TMEM114: variants seen among roughly 807,000 people sequenced by gnomAD.
TMEM114 encodes transmembrane protein 114, also known as claudin-26.
A neutral mutation model predicts 6.2 loss-of-function variants in TMEM114; 6 were observed. That is an observed-to-expected ratio of 0.97 (90% CI 0.53 to 1.91). The LOEUF is 1.91. TMEM114 is among the 40% of genes most tolerant of loss of function. TMEM114 has a pLI of 0.01. For missense variants in TMEM114, 218 were observed against 158.3 expected (o/e 1.38, Z -2.02); for synonymous variants, 104 against 73.0 (o/e 1.42, Z -2.16).
the TMEM114 span, among the ~76,000 whole-genome samples, chr16:8,531,139 T>C: frequency 0.02 from 3,084 of 152,282 alleles, 92 homozygotes; most frequent in African/African-American, 0.067. Flanking sequence ...ATTTTGAAAA[T>C]GTAGACAACA....
chr16:8,561,055 C>A (rs865861152), intron 2 of TMEM114, among the ~76,000 whole-genome samples: 1 of 152,160 alleles, frequency 6.6e-6, no homozygotes, highest in South Asian at 2.1e-4. Flanking sequence ...TTCGCTACCA[C>A]GAGAACAGTA....
intron 2 of TMEM114, among the ~76,000 whole-genome samples, chr16:8,562,001 T>TA (rs2141670472): frequency 6.7e-6 from 1 of 150,036 alleles, no homozygotes; most frequent in African/African-American, 2.5e-5. Flanking sequence ...TATGAATGAG[T>TA]AAATGAGTGA....
Position 8,541,647 on chromosome 16 carries a change from A to G in TMEM114, n.213-3821T>C, listed in dbSNP as rs183698297. The stretch of plus-strand genomic sequence containing the variant: ...ATTGTGTCAGTTTTATTAATGTTTT[A>G]AAATACAAATTAAAAATGTGACAAA... On this transcript the variant is annotated intron_variant and non_coding_transcript_variant, in intron 2 of 2. Coordinates refer to the TMEM114 transcript ENST00000623677. Among the ~76,000 whole-genome samples, 493 of 152,348 alleles carry G rather than the reference A, an allele frequency of 3.2e-3. 3 individuals are homozygous for G. The highest frequency in any genetic ancestry group is 0.011 in the African/African-American group (473 of 41,580).
In TMEM114 at chr16:8,572,074, G is replaced by C. The variant is rs555323011; in HGVS notation, c.439+13C>G. ...GACCACAAGCCAGAGCCCTAGGCAGGGTGGGCACCTACCTCCAAAGAGGAA... is the reference window on the plus strand; with the variant it reads ...GACCACAAGCCAGAGCCCTAGGCAGCGTGGGCACCTACCTCCAAAGAGGAA... On this transcript the variant is annotated intron_variant, in intron 3 of 3. Transcript: ENST00000620492. 4 of 1,533,912 alleles carry C rather than the reference G, an allele frequency of 2.6e-6. 1 individual carries two copies. The South Asian group carries it at 5.0e-5, about 19-fold the overall frequency.
At chr16:8,526,751 T>A in the TMEM114 span, 1 of 152,232 alleles carries the variant, frequency 6.6e-6, no homozygotes, top group Non-Finnish European at 1.5e-5. Context: ...TTTATAGCAA[T>A]GCAAGAGCAG....
chr16:8,547,647 T>C (rs980119342), intron 2 of TMEM114, among the ~76,000 whole-genome samples: 3 of 152,112 alleles, frequency 2.0e-5, no homozygotes, highest in Non-Finnish European at 4.4e-5. Flanking sequence ...CGCCTCGGCC[T>C]CCCAAAGTGC....
At chr16:8,563,348 A>ATGAGTGAGTAC (rs1901356146) in intron 2 of TMEM114, among the ~76,000 whole-genome samples, 1 of 144,906 alleles carries the variant, frequency 6.9e-6, no homozygotes, top group African/African-American at 2.6e-5. Flanking sequence ...TGAGTGAGTA[A>ATGAGTGAGTAC]ATGAGTGAGT....
At chr16:8,558,434 T>G (rs956860752) in intron 2 of TMEM114, among the ~76,000 whole-genome samples, 1 of 151,868 alleles carries the variant, frequency 6.6e-6, no homozygotes, top group Non-Finnish European at 1.5e-5. Context: ...TCTCTGTGTA[T>G]CTCTCCATCC....
intron 2 of TMEM114, among the ~76,000 whole-genome samples, chr16:8,548,667 A>G (rs1185313024): frequency 7.4e-6 from 1 of 135,074 alleles, no homozygotes; most frequent in African/African-American, 3.0e-5. Flanking sequence ...TTTCTTGCCC[A>G]TAGAGAAGTG....
chr16:8,574,992 A>G (rs1901869582), intron 2 of TMEM114, among the ~76,000 whole-genome samples: 1 of 152,148 alleles, frequency 6.6e-6, no homozygotes, highest in South Asian at 2.1e-4. Flanking sequence ...TTCTACTTAG[A>G]AATGCTCCCA....
At chr16:8,579,588 C>T (rs527294091) in intron 2 of TMEM114, among the ~76,000 whole-genome samples, 1 of 152,258 alleles carries the variant, frequency 6.6e-6, no homozygotes, top group South Asian at 2.1e-4. Context: ...CAAATCCTGA[C>T]TCCGCCTCTT....
At chr16:8,537,163 T>C (rs574333945), downstream of TMEM114, among the ~76,000 whole-genome samples, 76 of 151,914 alleles carry the variant, frequency 5.0e-4, no homozygotes, top group African/African-American at 1.8e-3. Context: ...TGTGATTGCA[T>C]CACTGCAGTC....
chr16:8,577,176 T>C (rs1027001328), intron 2 of TMEM114, among the ~76,000 whole-genome samples: 5 of 152,380 alleles, frequency 3.3e-5, no homozygotes, highest in Non-Finnish European at 7.3e-5. Flanking sequence ...AGCAGATGAC[T>C]TGGGCTCAAG....
At chr16:8,574,491 C>G (rs76716051) in intron 2 of TMEM114, among the ~76,000 whole-genome samples, 3,487 of 152,314 alleles carry the variant, frequency 0.023, 62 homozygotes, top group Non-Finnish European at 0.034. Flanking sequence ...GACTGAACTT[C>G]CTCCCAAGGC....
chr16:8,575,982 T>G (rs1462425674), intron 2 of TMEM114, among the ~76,000 whole-genome samples: 1 of 152,184 alleles, frequency 6.6e-6, no homozygotes, highest in Admixed American at 6.5e-5. Context: ...AGTTTCCAGC[T>G]TCTGGGAACT....
chr16:8,556,312 G>T lies in TMEM114; in HGVS notation n.213-18486C>A, dbSNP rs555933494. ...AGCTATAGACAGAGATCCTTCTAGG[G>T]CACAAAAGTATCGCCTCCTCCATAG... On this transcript the variant is annotated intron_variant and non_coding_transcript_variant, in intron 2 of 2. Transcript: ENST00000623677. Among the ~76,000 whole-genome samples, 3 of 152,268 alleles carry T rather than the reference G, an allele frequency of 2.0e-5. No homozygotes were observed. In the East Asian group the frequency reaches 5.8e-4, roughly 29 times the overall value.
At chr16:8,548,767 A>T (rs1194534379) in intron 2 of TMEM114, among the ~76,000 whole-genome samples, 2 of 151,752 alleles carry the variant, frequency 1.3e-5, no homozygotes, top group East Asian at 3.8e-4. Context: ...GACAGAAATG[A>T]CCATGTGAAA....
At chr16:8,536,747 G>T (rs935987858), downstream of TMEM114, among the ~76,000 whole-genome samples, 1 of 151,988 alleles carries the variant, frequency 6.6e-6, no homozygotes, top group Non-Finnish European at 1.5e-5. Flanking sequence ...TCAGGAAAAG[G>T]GGAGGACTCC....
chr16:8,528,777 A>G, the TMEM114 span, among the ~76,000 whole-genome samples: 1 of 152,222 alleles, frequency 6.6e-6, no homozygotes, highest in East Asian at 1.9e-4. Context: ...GCCCAAGGTG[A>G]GCTCTTTGCC....
Sources: allele counts gnomAD v4.1 joint callset (sites outside exome capture counted in the v4.1 genomes callset), GRCh38; gene constraint gnomAD v4.1.1; transcripts MANE v1.5; gene names NCBI Gene and HGNC (gene_info 2026-07-23, HGNC 2026-07-21).